Variants in ANO2 observed in about 807,000 individuals in gnomAD.
ANO2 encodes the protein anoctamin 2, also known as anoctamin-2.
In ANO2, 101 loss-of-function variants were observed where a neutral mutation model predicts 124.2. That is an observed-to-expected ratio of 0.81 (90% confidence interval 0.69 to 0.96). The LOEUF (loss-of-function observed/expected upper bound fraction) is 0.96. Ranked by LOEUF, ANO2 falls within the 40% of genes least tolerant of loss-of-function variation. The pLI, the probability that ANO2 is intolerant of heterozygous loss-of-function variation, is 0.00. For missense variants in ANO2, 1,293 were observed against 1,274.5 expected (o/e 1.01, Z -0.22); for synonymous variants, 486 against 482.5 (o/e 1.01, Z -0.09).
intron 13 of ANO2, among the ~76,000 whole-genome samples, chr12:5,736,606 A>C (rs1456246321): frequency 6.6e-6 from 1 of 152,094 alleles, no homozygotes; most frequent in Non-Finnish European, 1.5e-5. Context: ...ATGTGGGTTA[A>C]ATGCTTCATA....
At chr12:5,823,371 G>A (rs1465105371) in intron 7 of ANO2, among the ~76,000 whole-genome samples, 1 of 152,154 alleles carries the variant, frequency 6.6e-6, no homozygotes, top group African/African-American at 2.4e-5. Flanking sequence ...GATAAAATGG[G>A]GGTACAGGTA....
intron 15 of ANO2, among the ~76,000 whole-genome samples, chr12:5,645,760 A>C (rs983288830): frequency 2.6e-5 from 4 of 152,040 alleles, no homozygotes; most frequent in Non-Finnish European, 5.9e-5. Flanking sequence ...CCCTTGAAAA[A>C]TTCTTTTGGG....
At position 5,747,214 on chromosome 12, in the gene ANO2, A is replaced by T. The variant is rs201634043; in HGVS notation, c.1191-2897T>A. 3.0e-4 allele frequency among the ~76,000 whole-genome samples: 45 copies of T among 152,334 alleles called. No individual in the cohort carries two copies. The East Asian group carries it at 8.7e-3, about 29-fold the overall frequency. On this transcript the variant is annotated intron_variant, in intron 11 of 24. Transcript: ENST00000682330. ...TTTTTCAAAATAAAAAGGTTTTAAAAAGTGAGACAGAGTGAATTTCAGGCT... is the reference window on the plus strand; with the variant it reads ...TTTTTCAAAATAAAAAGGTTTTAAATAGTGAGACAGAGTGAATTTCAGGCT...
At chr12:5,792,352 C>T (rs1372436634) in intron 10 of ANO2, among the ~76,000 whole-genome samples, 1 of 152,232 alleles carries the variant, frequency 6.6e-6, no homozygotes, top group East Asian at 1.9e-4. Context: ...GGGAACTCTT[C>T]CTTGTTTAAG....
At chr12:5,763,705 G>A (rs1951801170) in intron 10 of ANO2, among the ~76,000 whole-genome samples, 1 of 152,082 alleles carries the variant, frequency 6.6e-6, no homozygotes, top group Non-Finnish European at 1.5e-5. Context: ...TTAAAGCTAT[G>A]CGTAGAGAGA....
chr12:5,930,331 C>A (rs977050090), intron 1 of ANO2, among the ~76,000 whole-genome samples: 1 of 152,104 alleles, frequency 6.6e-6, no homozygotes, highest in Admixed American at 6.6e-5. Flanking sequence ...TCATCCCCAC[C>A]CCAACCTCCC....
At chr12:5,878,174 A>G (rs1230131865) in intron 3 of ANO2, among the ~76,000 whole-genome samples, 1 of 152,262 alleles carries the variant, frequency 6.6e-6, no homozygotes, top group Non-Finnish European at 1.5e-5. Context: ...CTCTCTGTCT[A>G]TTAAATGTGA....
intron 4 of ANO2, among the ~76,000 whole-genome samples, chr12:5,847,692 T>C (rs1954726147): frequency 1.3e-5 from 2 of 152,080 alleles, no homozygotes; most frequent in Admixed American, 1.3e-4. Context: ...GAGAACAATT[T>C]CCAATCATTT....
At chr12:5,851,513 T>C (rs60245075) in intron 4 of ANO2, among the ~76,000 whole-genome samples, 166 of 152,070 alleles carry the variant, frequency 1.1e-3, no homozygotes, top group African/African-American at 3.8e-3. Flanking sequence ...GGAGAAACCC[T>C]GTCTCTACTA....
At chr12:5,849,372 T>C (rs1954793331) in intron 4 of ANO2, among the ~76,000 whole-genome samples, 1 of 152,208 alleles carries the variant, frequency 6.6e-6, no homozygotes, top group African/African-American at 2.4e-5. Context: ...TGTTCATTCA[T>C]ATATACAAAA....
At position 5,862,407 on chromosome 12, in the gene ANO2, A is replaced by T. The variant is rs1453418313; in HGVS notation, c.535-8266T>A. Reference sequence around the variant, plus strand: ...GTCCTATGGACATGAAAACTCAGCCACTTTTGTCGTATTTCTGGGTGCCAA... The same window carrying T: ...GTCCTATGGACATGAAAACTCAGCCTCTTTTGTCGTATTTCTGGGTGCCAA... On this transcript the variant is annotated intron_variant, in intron 3 of 24. Coordinates refer to ENST00000682330, the MANE Select transcript of ANO2 (RefSeq NM_001364791.2). This position sits in a 1 kb window ranked among gnomAD's most constrained non-coding sequence, Gnocchi z 4.0. 1.3e-5 allele frequency among the ~76,000 whole-genome samples: 2 copies of T among 152,184 alleles called. No homozygotes were observed. The highest frequency in any genetic ancestry group is 2.9e-5 in the Non-Finnish European group (2 of 68,030).
At chr12:5,726,155 C>T (rs546110635) in intron 14 of ANO2, among the ~76,000 whole-genome samples, 31 of 151,974 alleles carry the variant, frequency 2.0e-4, no homozygotes, top group Middle Eastern at 6.8e-3. Flanking sequence ...AAAAAATCCA[C>T]GCTATTCTTT....
Position 5,821,076 on chromosome 12 carries a change from C to G in ANO2, c.892+6693G>C, listed in dbSNP as rs1401258611. Reference sequence around the variant, plus strand: ...AGACCTTGATCGTTTTTCGCTTCCACAAGATATCACACTGGTCCATTACAT... The same window carrying G: ...AGACCTTGATCGTTTTTCGCTTCCAGAAGATATCACACTGGTCCATTACAT... On this transcript the variant is annotated intron_variant, in intron 7 of 24. Coordinates refer to ENST00000682330, the MANE Select transcript of ANO2 (RefSeq NM_001364791.2). 2.6e-5 allele frequency among the ~76,000 whole-genome samples: 4 copies of G among 152,190 alleles called. No homozygotes were observed. The East Asian group carries it at 7.7e-4, about 29-fold the overall frequency.
chr12:5,813,817 G>T (rs1351398878), intron 7 of ANO2, among the ~76,000 whole-genome samples: 1 of 152,188 alleles, frequency 6.6e-6, no homozygotes, highest in East Asian at 1.9e-4. Flanking sequence ...GAATCACAGA[G>T]TCTGGGAAAT....
rs927803035 is a variant in ANO2 at position 5,672,860 on chromosome 12, G to A, written c.1546-25059C>T. 5.9e-5 allele frequency among the ~76,000 whole-genome samples: 9 copies of A among 152,280 alleles called. No individual in the cohort carries two copies. The East Asian group carries it at 1.3e-3, about 23-fold the overall frequency. ...ATAATAGAACAGGTAATGCCAACAC[G>A]ACTTTCTTTTTGTTTGGAAGTTCTA... On this transcript the variant is annotated intron_variant, in intron 14 of 24. Coordinates refer to ENST00000682330, the MANE Select transcript of ANO2 (RefSeq NM_001364791.2).
At chr12:5,618,246 C>G (rs1944934797) in intron 16 of ANO2, among the ~76,000 whole-genome samples, 2 of 152,164 alleles carry the variant, frequency 1.3e-5, no homozygotes, top group Non-Finnish European at 2.9e-5. Context: ...GGTGAACCTG[C>G]TCCCACAATC....
intron 15 of ANO2, among the ~76,000 whole-genome samples, chr12:5,640,524 A>G (rs1184432716): frequency 1.3e-5 from 2 of 152,220 alleles, no homozygotes; most frequent in African/African-American, 4.8e-5. Context: ...ACTTAAACAA[A>G]TTTACAAGAA....
chr12:5,718,661 C>G (rs937377368), intron 14 of ANO2, among the ~76,000 whole-genome samples: 4 of 152,228 alleles, frequency 2.6e-5, no homozygotes, highest in African/African-American at 9.6e-5. Flanking sequence ...CAGAGTGGAT[C>G]TCCGAAGGGA....
chr12:5,615,646 C>T (rs1944767021), intron 16 of ANO2, among the ~76,000 whole-genome samples: 1 of 152,124 alleles, frequency 6.6e-6, no homozygotes, highest in African/African-American at 2.4e-5. Context: ...ATTCAGTTTT[C>T]ACCTGTGTCA....
Sources: gnomAD v4.1 joint callset for allele counts (sites outside exome capture counted in the v4.1 genomes callset) on GRCh38, gnomAD v4.1.1 for gene constraint, Gnocchi (gnomAD v3.1) non-coding constraint, MANE v1.5 for transcripts, NCBI Gene and HGNC (gene_info 2026-07-23, HGNC 2026-07-21) for gene names.